The following USH2A variants were observed in gnomAD, a reference collection of about 807,000 sequenced individuals.
The protein encoded by USH2A is Usher syndrome 2A (autosomal recessive, mild).
A neutral mutation model predicts 538.9 loss-of-function variants in USH2A; 443 were observed. That is an observed-to-expected ratio of 0.82 (90% confidence interval 0.76 to 0.89). The LOEUF (loss-of-function observed/expected upper bound fraction) is 0.89, where lower values mean the gene tolerates loss of function less well. USH2A is among the 40% of genes least tolerant of loss of function. USH2A has a pLI of 0.00. For synonymous variants in USH2A, 2,413 were observed against 2,273.5 expected (o/e 1.06, Z -1.75); for missense variants, 6,633 against 6,324.8 (o/e 1.05, Z -1.65).
At chr1:216,133,187 A>C (rs1240030289) in intron 21 of USH2A, among the ~76,000 whole-genome samples, 1 of 152,182 alleles carries the variant, frequency 6.6e-6, no homozygotes, top group African/African-American at 2.4e-5. Flanking sequence ...TGACAATGAA[A>C]GCAACAAAAA....
intron 38 of USH2A, among the ~76,000 whole-genome samples, chr1:215,903,508 G>A (rs567872658): frequency 7.2e-5 from 11 of 152,196 alleles, no homozygotes; most frequent in East Asian, 5.8e-4. Context: ...AAATGATACC[G>A]TAAAAGAAAG....
intron 62 of USH2A, among the ~76,000 whole-genome samples, chr1:215,677,579 C>T (rs1188805874): frequency 2.6e-5 from 4 of 152,154 alleles, no homozygotes; most frequent in Admixed American, 6.5e-5. Context: ...CATTTCTATA[C>T]TCGGGGTGGC....
intron 47 of USH2A, among the ~76,000 whole-genome samples, chr1:215,821,281 C>T (rs145701520): frequency 6.6e-6 from 1 of 151,638 alleles, no homozygotes; most frequent in African/African-American, 2.4e-5. Context: ...TTTATCAAAG[C>T]CATTTTATCT....
At position 216,175,319 on chromosome 1, in the gene USH2A, G is replaced by A. The variant is rs148000219; in HGVS notation, c.4560C>T (p.Ile1520=). 3.4e-3 allele frequency: 5,481 copies of A among 1,613,778 alleles called. 12 individuals are homozygous for A. Among genetic ancestry groups the A allele is most frequent in the Non-Finnish European group, 4.0e-3 (4,681 of 1,179,868 alleles). The change falls in exon 21 of 72, where the codon ATC becomes ATT. Residue 1520 remains isoleucine (I), a synonymous_variant. Coordinates refer to ENST00000307340, the MANE Select transcript of USH2A (RefSeq NM_206933.4). ...TACAATACCCATTTCCTATGAAACG[G>A]ATTCCTTTCATCATCGTGGTCATCA... ...PALMTTMMKG[I]RFIGNGYCKF... is the part of the protein sequence containing the mutation.
rs1456602503 is a variant in USH2A, at chr1:215,997,648, A to T, written c.6657+1239T>A. ...TCCTAAAAACGGCCCTAGGAAGAGA[A>T]TCTGTTCTATGTCATTTGCCTACTT... is the stretch of plus-strand genomic sequence containing the variant. On this transcript the variant is annotated intron_variant, in intron 34 of 71. Coordinates refer to ENST00000307340, the MANE Select transcript of USH2A (RefSeq NM_206933.4). 2.0e-5 allele frequency among the ~76,000 whole-genome samples: 3 copies of T among 152,126 alleles called. No homozygotes were observed. In the East Asian group the frequency reaches 5.8e-4, roughly 29 times the overall value.
At chr1:215,914,603 C>T (rs1665904682) in intron 38 of USH2A, among the ~76,000 whole-genome samples, 3 of 152,086 alleles carry the variant, frequency 2.0e-5, no homozygotes, top group South Asian at 4.1e-4. Flanking sequence ...ACCCTTTCTC[C>T]CCCTAGAAGG....
chr1:216,103,844 A>C (rs1015217908), intron 21 of USH2A, among the ~76,000 whole-genome samples: 4 of 152,174 alleles, frequency 2.6e-5, no homozygotes, highest in Admixed American at 2.0e-4. Flanking sequence ...ACTGCAAATT[A>C]AAACTACAAT....
In USH2A at chr1:215,902,920, C is replaced by T. The variant is rs144488141; in HGVS notation, c.7301-2015G>A. ...AGCCTTCATAGGAGTTGTAGGTCAG[C>T]ATATATGTGATCTTTAAAGGCTGAG... On this transcript the variant is annotated intron_variant, in intron 38 of 71. Coordinates refer to ENST00000307340, the MANE Select transcript of USH2A (RefSeq NM_206933.4). 5.7e-4 allele frequency among the ~76,000 whole-genome samples: 87 copies of T among 151,982 alleles called. 1 individual carries two copies. Among genetic ancestry groups the T allele is most frequent in the African/African-American group, 1.7e-3 (70 of 41,470 alleles).
chr1:216,008,627 G>A (rs1668467275), intron 32 of USH2A, among the ~76,000 whole-genome samples: 1 of 152,144 alleles, frequency 6.6e-6, no homozygotes, highest in African/African-American at 2.4e-5. Context: ...TCTTTGCTCT[G>A]TGAAAAAGAT....
intron 64 of USH2A, among the ~76,000 whole-genome samples, chr1:215,658,091 C>T (rs147769757): frequency 0.017 from 2,599 of 152,000 alleles, 32 homozygotes; most frequent in Admixed American, 0.027. Context: ...CACGCCACCC[C>T]GCCCGGCTAA....
At chr1:216,108,052 TTC>T (rs141932749) in intron 21 of USH2A, among the ~76,000 whole-genome samples, 3,696 of 152,010 alleles carry the variant, frequency 0.024, 61 homozygotes, top group Non-Finnish European at 0.033. Context: ...TAATAATATT[TTC>T]TGTTTATTCA....
chr1:215,820,111 A>G (rs1422050695), intron 47 of USH2A, among the ~76,000 whole-genome samples: 2 of 151,664 alleles, frequency 1.3e-5, no homozygotes, highest in Non-Finnish European at 3.0e-5. Context: ...GATTGCAAAT[A>G]TTTGAATGAA....
At chr1:216,068,365 A>G (rs2031449495) in intron 30 of USH2A, among the ~76,000 whole-genome samples, 1 of 152,158 alleles carries the variant, frequency 6.6e-6, no homozygotes, top group Non-Finnish European at 1.5e-5. Flanking sequence ...AAGAGTTTGA[A>G]TGACCCTGGG....
intron 3 of USH2A, among the ~76,000 whole-genome samples, chr1:216,398,313 G>A (rs2039251028): frequency 6.6e-6 from 1 of 152,096 alleles, no homozygotes; most frequent in Non-Finnish European, 1.5e-5. Flanking sequence ...AGGAATCTGA[G>A]GACTTGAGGA....
intron 8 of USH2A, 71 bp downstream of exon 8, chr1:216,323,403 G>A (rs2037656673): frequency 6.7e-7 from 1 of 1,481,858 alleles, no homozygotes; most frequent in Non-Finnish European, 9.4e-7. Context: ...GGCTTGCTCT[G>A]ACATCTTAAT....
At chr1:215,750,346 G>A (rs1325962292) in intron 58 of USH2A, among the ~76,000 whole-genome samples, 2 of 151,884 alleles carry the variant, frequency 1.3e-5, no homozygotes, top group Non-Finnish European at 2.9e-5. Flanking sequence ...TAGATGGTAG[G>A]GTTCCTGACA....
chr1:215,817,182 C>G lies in USH2A; in HGVS notation c.9385G>C (p.Asp3129His), dbSNP rs1221016933. The G allele has an allele frequency of 8.7e-6, 14 of 1,611,918 alleles. No individual in the cohort carries two copies. Among genetic ancestry groups the G allele is most frequent in the Non-Finnish European group, 1.1e-5 (13 of 1,178,608 alleles). ...TTTGGCTTCCGTGGAGACACCCAAT[C>G]AATTTGAAGAGATCTGCAACAGAGA... ...RGITSRSLQI[D>H]WVSPRKPNGI... Residue 3129 changes from aspartate to histidine, a missense_variant, in exon 48 of 72, where the codon GAT becomes CAT. By Grantham distance (81) the Asp-to-His change is moderately conservative (BLOSUM62 -1). Transcript: ENST00000307340.
chr1:215,821,995 G>A (rs536238916), intron 47 of USH2A, among the ~76,000 whole-genome samples: 1 of 151,824 alleles, frequency 6.6e-6, no homozygotes, highest in South Asian at 2.1e-4. Context: ...TTGTTTTTAT[G>A]CCAATACCAT....
At chr1:216,135,821 T>G (rs562676158) in intron 21 of USH2A, among the ~76,000 whole-genome samples, 1 of 152,254 alleles carries the variant, frequency 6.6e-6, no homozygotes, top group African/African-American at 2.4e-5. Context: ...ATAAAATGAA[T>G]GATTAGAATT....
Sources: gnomAD v4.1 joint callset for allele counts (sites outside exome capture counted in the v4.1 genomes callset) on GRCh38, gnomAD v4.1.1 for gene constraint, MANE v1.5 for transcripts, NCBI Gene and HGNC (gene_info 2026-07-23, HGNC 2026-07-21) for gene names.